RAPGEF2: variants seen among roughly 807,000 people sequenced by gnomAD.
RAPGEF2 encodes the protein PDZ domain containing guanine nucleotide exchange factor (GEF) 1.
A neutral mutation model predicts 186.7 loss-of-function variants in RAPGEF2; 54 were observed. That is an observed-to-expected ratio of 0.29 (90% CI 0.23 to 0.36). RAPGEF2 has a LOEUF of 0.36. Among genes scored for constraint, RAPGEF2 ranks in the 10% least tolerant of loss-of-function variants. RAPGEF2 has a pLI of 1.00. For synonymous variants in RAPGEF2, 712 were observed against 705.9 expected (o/e 1.01, Z -0.14); for missense variants, 1,532 against 2,045.0 (o/e 0.75, Z 4.84).
In RAPGEF2 at chr4:159,104,093, A is replaced by T; in HGVS notation, c.-70A>T. 1 of 1,038,640 alleles carries T rather than the reference A, an allele frequency of 9.6e-7. No homozygotes were observed. The allele number at this position is 1,038,640 out of a possible 1,614,324, so 64.3% of individuals were successfully genotyped here. On this transcript the variant is annotated 5_prime_UTR_variant, in exon 1 of 30. Transcript: ENST00000691494. ...CGGGCGCAGCGCGCAGGGCGGAGGC[A>T]GCAGCGGCGCTGGGCCGGGAGGAGG...
chr4:159,248,009 G>A (rs557499527), intron 7 of RAPGEF2, among the ~76,000 whole-genome samples: 2 of 152,096 alleles, frequency 1.3e-5, no homozygotes. Context: ...TGATCCACCC[G>A]CCTTGGCCTC....
chr4:159,135,273 T>A (rs1234062459), intron 1 of RAPGEF2, among the ~76,000 whole-genome samples: 1 of 152,168 alleles, frequency 6.6e-6, no homozygotes. Flanking sequence ...CTCGAACTTC[T>A]GGGCTCAAGC....
chr4:159,350,947 T>A (rs1419174636), intron 26 of RAPGEF2: 1 of 1,235,240 alleles, frequency 8.1e-7, no homozygotes, highest in Non-Finnish European at 1.1e-6. Flanking sequence ...ACTCAACAGG[T>A]ATTGCTTTAC....
chr4:159,300,813 G>C (rs1762568685), intron 7 of RAPGEF2, among the ~76,000 whole-genome samples: 1 of 152,132 alleles, frequency 6.6e-6, no homozygotes, highest in South Asian at 2.1e-4. Context: ...GTTGTGCCTT[G>C]TATATATTTC....
At chr4:159,301,133 G>T (rs1054410836) in intron 7 of RAPGEF2, among the ~76,000 whole-genome samples, 3 of 152,134 alleles carry the variant, frequency 2.0e-5, no homozygotes, top group Non-Finnish European at 4.4e-5. Context: ...AGCACTTTAG[G>T]AGGCCAAGGC....
rs751145387 is a variant in RAPGEF2 at position 159,330,354 on chromosome 4, A to G, written c.1323A>G (p.Thr441=). ...IVIKGTSERL[T]MHLVEEHSVV... Reference sequence around the variant, plus strand: ...TACAGGGTACCTCAGAAAGGTTAACAATGCATTTGGTGGAAGAGCATTCAG... The same window carrying G: ...TACAGGGTACCTCAGAAAGGTTAACGATGCATTTGGTGGAAGAGCATTCAG... The change falls in exon 13 of 30, where the codon ACA becomes ACG. Residue 441 remains threonine (T), a synonymous_variant. Transcript: ENST00000691494. 5 of 1,589,134 alleles carry G rather than the reference A, an allele frequency of 3.1e-6. No homozygotes were observed. The highest frequency in any genetic ancestry group is 4.3e-6 in the Non-Finnish European group (5 of 1,173,254).
Position 159,353,281 on chromosome 4 carries a change from G to A in RAPGEF2, c.4092-206G>A, listed in dbSNP as rs928300815. Among the ~76,000 whole-genome samples, 1 of 150,436 alleles carries A rather than the reference G, an allele frequency of 6.6e-6. No individual in the cohort carries two copies. The highest frequency in any genetic ancestry group is 1.9e-4 in the East Asian group (1 of 5,144). On this transcript the variant is annotated intron_variant, in intron 27 of 29. Coordinates refer to ENST00000691494, the MANE Select transcript of RAPGEF2 (RefSeq NM_001394067.2). The surrounding 1 kb of genome is among the most constrained non-coding windows in gnomAD (Gnocchi z 4.3). ...TAATGGCACGTTGCGTTCTTTTCCC[G>A]CATGCCTGTTTTATAGTAATGATAA...
chr4:159,240,324 A>G (rs1253446782), intron 5 of RAPGEF2, among the ~76,000 whole-genome samples: 1 of 83,756 alleles, frequency 1.2e-5, no homozygotes, highest in Non-Finnish European at 2.2e-5. Context: ...ATTCATCAGC[A>G]TTTCTACTTT....
At chr4:159,267,164 C>T (rs1757530947) in intron 7 of RAPGEF2, 2 of 1,283,784 alleles carry the variant, frequency 1.6e-6, no homozygotes, top group African/African-American at 3.0e-5. Context: ...AAGAGACAGA[C>T]TACAGTGTCT....
chr4:159,301,005 G>GT (rs1762596526), intron 7 of RAPGEF2, among the ~76,000 whole-genome samples: 1 of 152,150 alleles, frequency 6.6e-6, no homozygotes, highest in African/African-American at 2.4e-5. Flanking sequence ...ATGCATTTCA[G>GT]TTTCTTTCCT....
intron 1 of RAPGEF2, among the ~76,000 whole-genome samples, chr4:159,184,191 G>A (rs181558919): frequency 0.017 from 2,522 of 152,178 alleles, 74 homozygotes; most frequent in African/African-American, 0.054. Context: ...GAATAGTGCC[G>A]CAATAAACAT....
At position 159,209,244 on chromosome 4, in the gene RAPGEF2, G is replaced by C. The variant is rs149916853; in HGVS notation, c.198-1256G>C. 4.1e-3 allele frequency among the ~76,000 whole-genome samples: 602 copies of C among 145,680 alleles called. 3 individuals are homozygous for C. The highest frequency in any genetic ancestry group is 0.014 in the African/African-American group (564 of 39,582). On this transcript the variant is annotated intron_variant, in intron 3 of 29. Coordinates refer to ENST00000691494, the MANE Select transcript of RAPGEF2 (RefSeq NM_001394067.2). ...ATTAATTGGAGACTTAGAGTAATTAGAGACTTAGTTAAAAGTTATGAAGTG... is the reference window on the plus strand; with the variant it reads ...ATTAATTGGAGACTTAGAGTAATTACAGACTTAGTTAAAAGTTATGAAGTG...
At chr4:159,356,562 T>C (rs1732043461) in intron 29 of RAPGEF2, among the ~76,000 whole-genome samples, 1 of 152,216 alleles carries the variant, frequency 6.6e-6, no homozygotes, top group Admixed American at 6.5e-5. Context: ...TTGATTTCTT[T>C]TCTAATTCTC....
chr4:159,294,771 C>T lies in RAPGEF2; in HGVS notation c.544-9571C>T, dbSNP rs920190026. On this transcript the variant is annotated intron_variant, in intron 7 of 29. Transcript: ENST00000691494. ...GGAGTGCATTGGCATGGTCTTGGCC[C>T]AGTGCAAACTCTGCCTCCCAGGTGC... Among the ~76,000 whole-genome samples the T allele has an allele frequency of 3.9e-5, 6 of 152,016 alleles. No individual in the cohort carries two copies. In the East Asian group the frequency reaches 9.7e-4, roughly 24 times the overall value.
At chr4:159,312,862 C>A (rs532528944) in intron 8 of RAPGEF2, among the ~76,000 whole-genome samples, 1 of 152,256 alleles carries the variant, frequency 6.6e-6, no homozygotes, top group Admixed American at 6.5e-5. Flanking sequence ...AAGAAAATAG[C>A]ACAGGCTGGG....
intron 1 of RAPGEF2, among the ~76,000 whole-genome samples, chr4:159,127,708 T>C (rs940790300): frequency 3.3e-5 from 5 of 152,218 alleles, no homozygotes; most frequent in Admixed American, 3.3e-4. Context: ...AAATGTATAA[T>C]ATGAAGTGTG....
intron 1 of RAPGEF2, among the ~76,000 whole-genome samples, chr4:159,184,254 C>G (rs1465298420): frequency 1.3e-5 from 2 of 152,136 alleles, no homozygotes; most frequent in African/African-American, 4.8e-5. Flanking sequence ...TGGGTATATA[C>G]CCAGTAATGG....
chr4:159,120,996 C>T (rs1739616916), intron 1 of RAPGEF2, among the ~76,000 whole-genome samples: 1 of 151,902 alleles, frequency 6.6e-6, no homozygotes, highest in African/African-American at 2.4e-5. Context: ...CTGGGACTAT[C>T]GGCACCCACC....
intron 8 of RAPGEF2, among the ~76,000 whole-genome samples, chr4:159,312,535 G>A (rs1764070480): frequency 6.6e-6 from 1 of 151,958 alleles, no homozygotes; most frequent in Non-Finnish European, 1.5e-5. Flanking sequence ...TAAATTATGA[G>A]ATGTGTTTCT....
Sources: allele counts gnomAD v4.1 joint callset (sites outside exome capture counted in the v4.1 genomes callset), GRCh38; gene constraint gnomAD v4.1.1; non-coding constraint Gnocchi (gnomAD v3.1); transcripts MANE v1.5; gene names NCBI Gene and HGNC (gene_info 2026-07-23, HGNC 2026-07-21).